PCDH9: variants seen among roughly 807,000 people sequenced by gnomAD.
The protein encoded by PCDH9 is protocadherin-9.
PCDH9 carries 24 observed loss-of-function variants against 70.6 expected under a neutral mutation model. The observed-to-expected ratio is 0.34, with a 90% confidence interval of 0.25 to 0.48. The LOEUF (loss-of-function observed/expected upper bound fraction) is 0.48. Among genes scored for constraint, PCDH9 ranks in the 20% least tolerant of loss-of-function variants. The probability of loss-of-function intolerance (pLI) is 0.99; values close to 1 mark genes in which losing one functional copy is unlikely to be tolerated. For synonymous variants in PCDH9, 562 were observed against 558.5 expected (o/e 1.01, Z -0.09); for missense variants, 1,281 against 1,503.6 (o/e 0.85, Z 2.45).
In PCDH9 at chr13:66,503,241, A is replaced by C. The variant is rs1336310685; in HGVS notation, c.3340+127969T>G. ...GCGATAGAATAACTGGTTTGCTAGAAGTTTCAGAATACATGTCCTTACCCT... is the reference window on the plus strand; with the variant it reads ...GCGATAGAATAACTGGTTTGCTAGACGTTTCAGAATACATGTCCTTACCCT... On this transcript the variant is annotated intron_variant, in intron 4 of 4. Coordinates refer to ENST00000377865, the MANE Select transcript of PCDH9 (RefSeq NM_203487.3). 2.6e-5 allele frequency among the ~76,000 whole-genome samples: 4 copies of C among 152,318 alleles called. No individual in the cohort carries two copies. The East Asian group carries it at 7.7e-4, about 29-fold the overall frequency.
chr13:66,639,877 T>C (rs1211298625), intron 3 of PCDH9, among the ~76,000 whole-genome samples: 3 of 152,168 alleles, frequency 2.0e-5, no homozygotes, highest in Non-Finnish European at 2.9e-5. Context: ...CCAGTAGGAA[T>C]GTGGTACTTT....
At chr13:66,485,629 A>T (rs1460997075) in intron 4 of PCDH9, among the ~76,000 whole-genome samples, 1 of 152,168 alleles carries the variant, frequency 6.6e-6, no homozygotes, top group Non-Finnish European at 1.5e-5. Context: ...AGAGACAGAG[A>T]CATAGAAAGA....
At chr13:66,687,451 TTG>T (rs2078420285) in intron 3 of PCDH9, among the ~76,000 whole-genome samples, 1 of 152,118 alleles carries the variant, frequency 6.6e-6, no homozygotes, top group African/African-American at 2.4e-5. Context: ...CTTCATGACT[TTG>T]TATGTTCTCA....
intron 4 of PCDH9, among the ~76,000 whole-genome samples, chr13:66,425,412 A>G (rs1434427836): frequency 6.6e-6 from 1 of 151,690 alleles, no homozygotes; most frequent in Non-Finnish European, 1.5e-5. Context: ...TGCCAATAAT[A>G]AAAGCAAGAA....
intron 3 of PCDH9, among the ~76,000 whole-genome samples, chr13:66,825,781 A>G (rs1003950327): frequency 2.0e-5 from 3 of 152,218 alleles, no homozygotes; most frequent in Non-Finnish European, 4.4e-5. Flanking sequence ...CAACTACTCT[A>G]CATGAATGCA....
At chr13:66,884,313 A>G (rs1030060659) in intron 3 of PCDH9, among the ~76,000 whole-genome samples, 2 of 152,102 alleles carry the variant, frequency 1.3e-5, no homozygotes, top group Admixed American at 6.6e-5. Context: ...TCAGAATCCA[A>G]TTGTTTCTGT....
chr13:66,690,489 T>G (rs1458495328), intron 3 of PCDH9, among the ~76,000 whole-genome samples: 4 of 152,146 alleles, frequency 2.6e-5, no homozygotes, highest in African/African-American at 9.7e-5. Flanking sequence ...AGCCATCTTC[T>G]GCTCTCAAGA....
Position 66,997,317 on chromosome 13 carries a change from A to G in PCDH9, c.3037-93712T>C, listed in dbSNP as rs1416321563. On this transcript the variant is annotated intron_variant, in intron 2 of 4. Transcript: ENST00000377865. ...TAACAGAAGGTGAAGGGAAGCCAGC[A>G]TATCACATGGCAAGGGCAGGAGCAA... Among the ~76,000 whole-genome samples the G allele has an allele frequency of 2.0e-5, 3 of 152,266 alleles. No individual in the cohort carries two copies. In the East Asian group the frequency reaches 5.8e-4, roughly 30 times the overall value.
intron 2 of PCDH9, among the ~76,000 whole-genome samples, chr13:67,015,747 T>C (rs1318642727): frequency 6.6e-6 from 1 of 152,216 alleles, no homozygotes; most frequent in African/African-American, 2.4e-5. Context: ...CTTCAGTTTC[T>C]AATCTCTGTC....
intron 3 of PCDH9, among the ~76,000 whole-genome samples, chr13:66,740,122 G>A (rs1286078686): frequency 1.4e-5 from 2 of 146,688 alleles, no homozygotes; most frequent in African/African-American, 2.5e-5. Context: ...TAAAAGAACA[G>A]AAATTATAAC....
At chr13:66,419,998 C>T (rs1052612207) in intron 4 of PCDH9, among the ~76,000 whole-genome samples, 8 of 152,054 alleles carry the variant, frequency 5.3e-5, no homozygotes, top group South Asian at 4.1e-4. Flanking sequence ...GAGGGGCATC[C>T]GCCATTACTG....
intron 4 of PCDH9, among the ~76,000 whole-genome samples, chr13:66,334,273 G>A (rs1955994135): frequency 6.6e-6 from 1 of 152,030 alleles, no homozygotes; most frequent in Non-Finnish European, 1.5e-5. Context: ...TCCCGCATAT[G>A]AGTGAGAACA....
At chr13:67,203,170 T>C (rs538429890) in intron 2 of PCDH9, 1 of 152,268 alleles carries the variant, frequency 6.6e-6, no homozygotes, top group South Asian at 2.1e-4. Flanking sequence ...TATCCTTTAA[T>C]TCTTTCTTAA....
chr13:67,189,409 A>T (rs902552424), intron 2 of PCDH9, among the ~76,000 whole-genome samples: 1 of 152,084 alleles, frequency 6.6e-6, no homozygotes, highest in Admixed American at 6.6e-5. Context: ...ACACAGACGC[A>T]TGTAACTAGC....
Position 67,176,947 on chromosome 13 carries a change from T to C in PCDH9, c.3036+48458A>G, listed in dbSNP as rs141709526. 6.3e-4 allele frequency among the ~76,000 whole-genome samples: 96 copies of C among 152,152 alleles called. 1 individual carries two copies. The highest frequency in any genetic ancestry group is 3.4e-3 in the Middle Eastern group (1 of 294). On this transcript the variant is annotated intron_variant, in intron 2 of 4. Coordinates refer to ENST00000377865, the MANE Select transcript of PCDH9 (RefSeq NM_203487.3). Reference sequence around the variant, plus strand: ...TAAGAAAGACAGTACAACAGTTGAGTTGCCTTCGTTACTAAATGTGTGATC... The same window carrying C: ...TAAGAAAGACAGTACAACAGTTGAGCTGCCTTCGTTACTAAATGTGTGATC...
At chr13:67,158,293 A>C (rs912035839) in intron 2 of PCDH9, among the ~76,000 whole-genome samples, 1 of 152,226 alleles carries the variant, frequency 6.6e-6, no homozygotes, top group African/African-American at 2.4e-5. Flanking sequence ...CCATTGCTTG[A>C]ATATCTATGT....
At chr13:66,439,636 T>C (rs1468922538) in intron 4 of PCDH9, among the ~76,000 whole-genome samples, 5 of 152,166 alleles carry the variant, frequency 3.3e-5, no homozygotes, top group African/African-American at 1.2e-4. Flanking sequence ...TGCCACAGTT[T>C]GTTTTGTTAG....
chr13:66,918,613 A>G (rs1351438271), intron 2 of PCDH9, among the ~76,000 whole-genome samples: 2 of 151,142 alleles, frequency 1.3e-5, no homozygotes, highest in South Asian at 4.1e-4. Flanking sequence ...AAATTTTACT[A>G]ATTTTTTCCT....
chr13:67,139,327 C>A (rs2138351843), intron 2 of PCDH9, among the ~76,000 whole-genome samples: 1 of 152,320 alleles, frequency 6.6e-6, no homozygotes, highest in Non-Finnish European at 1.5e-5. Flanking sequence ...TGACTCTTAA[C>A]CGCTATTACC....
Sources: gnomAD v4.1 joint callset for allele counts (sites outside exome capture counted in the v4.1 genomes callset) on GRCh38, gnomAD v4.1.1 for gene constraint, MANE v1.5 for transcripts, NCBI Gene and HGNC (gene_info 2026-07-23, HGNC 2026-07-21) for gene names.